The following TCF12 variants were observed in gnomAD, a reference collection of about 807,000 sequenced individuals.
TCF12 encodes the protein transcription factor 12, also known as DNA-binding protein HTF4.
A neutral mutation model predicts 86.0 loss-of-function variants in TCF12; 45 were observed. The ratio of observed to expected loss-of-function variants is 0.52; its 90% CI spans 0.41 to 0.67. The LOEUF is 0.67. Among genes scored for constraint, TCF12 ranks in the 30% least tolerant of loss-of-function variants. The pLI is 0.00. For synonymous variants in TCF12, 330 were observed against 299.6 expected, an observed-to-expected ratio of 1.10 and a Z score of -1.05; for missense variants, 881 against 859.9, an observed-to-expected ratio of 1.02 and a Z score of -0.31.
chr15:57,157,216 A>G lies in TCF12; in HGVS notation c.326-9186A>G, dbSNP rs146986842. ...TTTTAAATCGTTTTTTAAGAATGAGATAAACATTAAGACACCAAGGTGACT... is the reference window on the plus strand; with the variant it reads ...TTTTAAATCGTTTTTTAAGAATGAGGTAAACATTAAGACACCAAGGTGACT... On this transcript the variant is annotated intron_variant, in intron 5 of 20. Transcript: ENST00000333725. 3.2e-3 allele frequency among the ~76,000 whole-genome samples: 487 copies of G among 152,274 alleles called. 4 individuals carry two copies. The highest frequency in any genetic ancestry group is 0.011 in the African/African-American group (453 of 41,556).
chr15:57,233,185 T>C (rs1392978392), intron 11 of TCF12, among the ~76,000 whole-genome samples: 1 of 151,582 alleles, frequency 6.6e-6, no homozygotes, highest in Non-Finnish European at 1.5e-5. Flanking sequence ...TGTTGTTTGT[T>C]TGTTTGAGAC....
chr15:57,148,408 G>GT (rs1279084897), intron 5 of TCF12, among the ~76,000 whole-genome samples: 3 of 79,340 alleles, frequency 3.8e-5, no homozygotes, highest in Admixed American at 1.6e-4. Flanking sequence ...GGAAGACTTT[G>GT]TTTAAAAAAA....
intron 3 of TCF12, among the ~76,000 whole-genome samples, chr15:56,981,564 A>C (rs1206100837): frequency 6.6e-6 from 1 of 152,198 alleles, no homozygotes; most frequent in African/African-American, 2.4e-5. Flanking sequence ...TGGAGGGGCC[A>C]AAAACACTCA....
At chr15:57,278,829 TTC>T (rs1168764661) in intron 19 of TCF12, among the ~76,000 whole-genome samples, 29 of 150,680 alleles carry the variant, frequency 1.9e-4, no homozygotes, top group Admixed American at 1.9e-3. Flanking sequence ...TTTTCTTTCT[TTC>T]TCTTTCTCTC....
chr15:57,225,171 C>G (rs1425294396), intron 8 of TCF12, among the ~76,000 whole-genome samples: 2 of 145,244 alleles, frequency 1.4e-5, no homozygotes, highest in Non-Finnish European at 1.5e-5. Flanking sequence ...GTGAGAAGGC[C>G]TAAGTTTCAG....
chr15:56,999,792 T>C (rs74941876), intron 3 of TCF12, among the ~76,000 whole-genome samples: 6,143 of 152,152 alleles, frequency 0.04, 370 homozygotes, highest in Admixed American at 0.17. Context: ...GAGAATCCCT[T>C]AAGTCTGGGA....
At chr15:57,005,613 G>C (rs2141096157) in intron 3 of TCF12, among the ~76,000 whole-genome samples, 1 of 152,248 alleles carries the variant, frequency 6.6e-6, no homozygotes, top group South Asian at 2.1e-4. Context: ...TGTCACCCAG[G>C]CTGGAGTGCA....
intron 7 of TCF12, among the ~76,000 whole-genome samples, chr15:57,192,585 G>A (rs1358521684): frequency 2.0e-5 from 3 of 151,940 alleles, no homozygotes; most frequent in Non-Finnish European, 4.4e-5. Context: ...ACAGGGTTTT[G>A]CCATGTTGTC....
intron 13 of TCF12, 154 bp from the exon 14 acceptor site, chr15:57,251,196 G>T (rs754177048): frequency 5.9e-6 from 3 of 506,650 alleles, no homozygotes; most frequent in African/African-American, 2.0e-5. Context: ...TTTAAAATGT[G>T]TTGGGCTTAT....
intron 19 of TCF12, among the ~76,000 whole-genome samples, chr15:57,275,324 A>AC (rs2061327399): frequency 2.1e-4 from 1 of 4,768 alleles, no homozygotes; most frequent in Non-Finnish European, 6.6e-4. Context: ...TTTGTAAGGT[A>AC]GGGGTGTGTG....
chr15:57,118,296 C>T (rs2615236), intron 5 of TCF12: 2 of 152,164 alleles, frequency 1.3e-5, no homozygotes, highest in African/African-American at 4.8e-5. Flanking sequence ...AGAATTTTGT[C>T]TGAGCAAATT....
intron 3 of TCF12, among the ~76,000 whole-genome samples, chr15:56,924,978 C>G (rs2059940133): frequency 6.6e-6 from 1 of 152,090 alleles, no homozygotes; most frequent in Non-Finnish European, 1.5e-5. Context: ...GTGGGTGGAT[C>G]ACATGAGGTC....
At chr15:57,242,804 T>G (rs117211714) in intron 12 of TCF12, among the ~76,000 whole-genome samples, 1,571 of 152,328 alleles carry the variant, frequency 0.01, 12 homozygotes, top group Middle Eastern at 0.027. Flanking sequence ...ATCCGATAAT[T>G]TATCCTTTTC....
intron 3 of TCF12, among the ~76,000 whole-genome samples, chr15:57,013,833 A>G (rs1036996622): frequency 2.6e-5 from 4 of 152,192 alleles, no homozygotes; most frequent in Non-Finnish European, 5.9e-5. Context: ...TATAATTTGG[A>G]TGTTTGGTAT....
chr15:57,165,654 A>C (rs1489705125), intron 5 of TCF12, among the ~76,000 whole-genome samples: 2 of 151,816 alleles, frequency 1.3e-5, no homozygotes, highest in Non-Finnish European at 2.9e-5. Flanking sequence ...CTCCTGCCTC[A>C]GCCTCCTGAG....
chr15:57,036,222 A>G (rs768337461), intron 3 of TCF12, among the ~76,000 whole-genome samples: 1 of 151,898 alleles, frequency 6.6e-6, no homozygotes, highest in South Asian at 2.1e-4. Flanking sequence ...ACCAGTGAAG[A>G]CGGTAATGAA....
At chr15:57,035,414 C>A (rs2066444252) in intron 3 of TCF12, among the ~76,000 whole-genome samples, 1 of 152,138 alleles carries the variant, frequency 6.6e-6, no homozygotes, top group Non-Finnish European at 1.5e-5. Context: ...CAGGTATGCA[C>A]CACCATGCCT....
At chr15:57,185,239 G>C (rs1475713682) in intron 6 of TCF12, among the ~76,000 whole-genome samples, 1 of 152,190 alleles carries the variant, frequency 6.6e-6, no homozygotes, top group African/African-American at 2.4e-5. Flanking sequence ...ATTTCTGAAA[G>C]ATGTGATGAA....
Position 56,919,967 on chromosome 15 carries a change from C to T in TCF12, c.54C>T (p.Ser18=). ...CTATAGGGACCGACAAGGAGCTGAG[C>T]GACCTACTGGACTTCAGTGCGGTAT... ...MAAIGTDKEL[S]DLLDFSAMFS... Residue 18 remains serine, a synonymous_variant, in exon 2 of 21, where the codon AGC becomes AGT. Coordinates refer to ENST00000333725, the MANE Select transcript of TCF12 (RefSeq NM_207037.2). 1.9e-6 allele frequency: 3 copies of T among 1,614,054 alleles called. No homozygotes were observed. The highest frequency in any genetic ancestry group is 1.7e-5 in the Admixed American group (1 of 60,018).
Sources: allele counts gnomAD v4.1 joint callset (sites outside exome capture counted in the v4.1 genomes callset), GRCh38; gene constraint gnomAD v4.1.1; transcripts MANE v1.5; gene names NCBI Gene and HGNC (gene_info 2026-07-23, HGNC 2026-07-21).